Variants in ADAMTS17 observed in about 807,000 individuals in gnomAD.
ADAMTS17 encodes ADAM metallopeptidase with thrombospondin type 1 motif 17.
A neutral mutation model predicts 141.5 loss-of-function variants in ADAMTS17; 113 were observed. The ratio of observed to expected loss-of-function variants is 0.80; its 90% CI spans 0.69 to 0.93. ADAMTS17 has a LOEUF of 0.93. ADAMTS17 is among the 40% of genes least tolerant of loss of function. The pLI, the probability that ADAMTS17 is intolerant of heterozygous loss-of-function variation, is 0.00. For synonymous variants in ADAMTS17, 768 were observed against 630.6 expected, an observed-to-expected ratio of 1.22 and a Z score of -3.27; for missense variants, 1,659 against 1,517.9, an observed-to-expected ratio of 1.09 and a Z score of -1.54.
At chr15:100,281,493 G>A (rs551927607) in intron 3 of ADAMTS17, 92 bp from the exon 4 acceptor site, 1 of 1,501,688 alleles carries the variant, frequency 6.7e-7, no homozygotes. Flanking sequence ...CTGCCCGAGA[G>A]AGTGGTCAGT....
chr15:100,086,793 T>C (rs558768669), intron 15 of ADAMTS17, among the ~76,000 whole-genome samples: 1 of 149,892 alleles, frequency 6.7e-6, no homozygotes, highest in Admixed American at 6.7e-5. Flanking sequence ...TTGAAACCAA[T>C]GAGAACAAAG....
intron 7 of ADAMTS17, among the ~76,000 whole-genome samples, chr15:100,227,423 C>T (rs1315724689): frequency 1.3e-5 from 2 of 151,820 alleles, no homozygotes; most frequent in Non-Finnish European, 2.9e-5. Flanking sequence ...ATCTCAGATC[C>T]ACCCACTTTT....
chr15:100,338,060 A>C (rs576187087), intron 2 of ADAMTS17, among the ~76,000 whole-genome samples: 66 of 152,376 alleles, frequency 4.3e-4, no homozygotes, highest in African/African-American at 1.5e-3. Flanking sequence ...ACTCTTGGAA[A>C]TGTAAATACA....
At chr15:100,206,422 G>T (rs772046264) in intron 7 of ADAMTS17, among the ~76,000 whole-genome samples, 57 of 152,316 alleles carry the variant, frequency 3.7e-4, no homozygotes, top group Non-Finnish European at 7.5e-4. Flanking sequence ...TACAGCAATG[G>T]ACCCTGGTGA....
intron 15 of ADAMTS17, among the ~76,000 whole-genome samples, chr15:100,080,604 C>T (rs569458487): frequency 1.4e-4 from 22 of 152,144 alleles, no homozygotes; most frequent in Middle Eastern, 3.4e-3. Context: ...GAATACAGAA[C>T]GGGTAGTAGA....
intron 13 of ADAMTS17, among the ~76,000 whole-genome samples, chr15:100,112,609 T>G (rs1050279386): frequency 6.6e-6 from 1 of 152,066 alleles, no homozygotes; most frequent in Non-Finnish European, 1.5e-5. Context: ...GCACCCAGCA[T>G]CAACACTCTT....
At position 100,113,983 on chromosome 15, in the gene ADAMTS17, G is replaced by A. The variant is rs543717248; in HGVS notation, c.1888+2864C>T. ...TTTCCACTTCAATGAGATTCCATGAGAAAAGCAGAAATGGGGTGGGTTTGG... is the reference window on the plus strand; with the variant it reads ...TTTCCACTTCAATGAGATTCCATGAAAAAAGCAGAAATGGGGTGGGTTTGG... On this transcript the variant is annotated intron_variant, in intron 13 of 21. Coordinates refer to ENST00000268070, the MANE Select transcript of ADAMTS17 (RefSeq NM_139057.4). 1.9e-4 allele frequency among the ~76,000 whole-genome samples: 29 copies of A among 152,350 alleles called. No homozygotes were observed. The South Asian group carries it at 6.0e-3, about 32-fold the overall frequency.
chr15:100,282,024 T>A (rs963916389), intron 3 of ADAMTS17, among the ~76,000 whole-genome samples: 4 of 152,128 alleles, frequency 2.6e-5, no homozygotes, highest in Non-Finnish European at 5.9e-5. Flanking sequence ...GATGTGTGAG[T>A]AATTCTCCAT....
At chr15:100,060,166 T>C (rs1371663070) in intron 15 of ADAMTS17, among the ~76,000 whole-genome samples, 4 of 152,200 alleles carry the variant, frequency 2.6e-5, no homozygotes, top group African/African-American at 9.7e-5. Context: ...CTGGGGAGAT[T>C]TTCCCTTGCT....
chr15:100,133,176 G>A, intron 11 of ADAMTS17, 38 bp downstream of exon 11: 3 of 1,536,300 alleles, frequency 2.0e-6, no homozygotes, highest in Non-Finnish European at 2.6e-6. Flanking sequence ...GCAAGATGTG[G>A]AGCTGCCTGT....
At chr15:100,189,641 C>A (rs116186888) in intron 8 of ADAMTS17, among the ~76,000 whole-genome samples, 2,000 of 152,328 alleles carry the variant, frequency 0.013, 59 homozygotes, top group African/African-American at 0.045. Flanking sequence ...CCCATGCATG[C>A]CTTTGGGTCG....
chr15:100,010,891 C>A (rs917762838), intron 18 of ADAMTS17, among the ~76,000 whole-genome samples: 19 of 152,138 alleles, frequency 1.2e-4, no homozygotes, highest in African/African-American at 3.1e-4. Context: ...ATTATGAGTT[C>A]TCATATACAT....
chr15:100,160,062 A>G (rs1430161172), intron 8 of ADAMTS17, among the ~76,000 whole-genome samples: 1 of 86,322 alleles, frequency 1.2e-5, no homozygotes, highest in Non-Finnish European at 3.3e-5. Flanking sequence ...ATGGCCCCCC[A>G]GTAAAGAGGG....
At chr15:99,977,117 G>A (rs537649795) in intron 20 of ADAMTS17, among the ~76,000 whole-genome samples, 1 of 152,034 alleles carries the variant, frequency 6.6e-6, no homozygotes, top group South Asian at 2.1e-4. Flanking sequence ...TTGGGGCTTA[G>A]AATTAAGTAA....
intron 18 of ADAMTS17, among the ~76,000 whole-genome samples, chr15:100,027,781 T>C (rs1327773941): frequency 6.6e-6 from 1 of 152,258 alleles, no homozygotes; most frequent in Non-Finnish European, 1.5e-5. Flanking sequence ...GCTTTGATAC[T>C]CGAAGGATAG....
At chr15:99,976,464 G>A (rs1228583644) in intron 20 of ADAMTS17, 15 of 617,372 alleles carry the variant, frequency 2.4e-5, no homozygotes, top group Non-Finnish European at 3.5e-5. Flanking sequence ...GCTGGGCACT[G>A]TGTGTCATGC....
At chr15:100,167,777 G>C (rs910472700) in intron 8 of ADAMTS17, among the ~76,000 whole-genome samples, 37 of 152,244 alleles carry the variant, frequency 2.4e-4, no homozygotes, top group African/African-American at 8.7e-4. Flanking sequence ...ATGGGAAAAG[G>C]TCTTGTGAGG....
chr15:100,034,305 C>A (rs2030487959), intron 18 of ADAMTS17, among the ~76,000 whole-genome samples: 1 of 152,268 alleles, frequency 6.6e-6, no homozygotes, highest in African/African-American at 2.4e-5. Context: ...GCTGTCTGAG[C>A]CAGCACTTCC....
chr15:100,224,240 C>T (rs1160401328), intron 7 of ADAMTS17, among the ~76,000 whole-genome samples: 1 of 152,152 alleles, frequency 6.6e-6, no homozygotes, highest in Non-Finnish European at 1.5e-5. Flanking sequence ...ACACTGCCCA[C>T]CGCCTTTGGA....
Sources: gnomAD v4.1 joint callset for allele counts (sites outside exome capture counted in the v4.1 genomes callset) on GRCh38, gnomAD v4.1.1 for gene constraint, MANE v1.5 for transcripts, NCBI Gene and HGNC (gene_info 2026-07-23, HGNC 2026-07-21) for gene names.